Variants in ATP2A1 observed in about 807,000 individuals in gnomAD.
ATP2A1 encodes the protein sarcoplasmic/endoplasmic reticulum calcium ATPase 1.
ATP2A1 carries 83 observed loss-of-function variants against 109.5 expected under a neutral mutation model. That is an observed-to-expected ratio of 0.76 (90% CI 0.63 to 0.91). The LOEUF is 0.91. Ranked by LOEUF, ATP2A1 falls within the 40% of genes least tolerant of loss-of-function variation. ATP2A1 has a pLI of 0.00. For missense variants in ATP2A1, 1,101 were observed against 1,341.0 expected (o/e 0.82, Z 2.80); for synonymous variants, 505 against 537.6 (o/e 0.94, Z 0.84).
chr16:28,891,257 T>C (rs1456204424), intron 9 of ATP2A1, among the ~76,000 whole-genome samples: 2 of 148,960 alleles, frequency 1.3e-5, no homozygotes, highest in African/African-American at 2.5e-5. Flanking sequence ...GATTGCGCCA[T>C]TGCACCCCAG....
At chr16:28,891,300 A>T (rs1963766146) in intron 9 of ATP2A1, among the ~76,000 whole-genome samples, 1 of 151,556 alleles carries the variant, frequency 6.6e-6, no homozygotes, top group African/African-American at 2.4e-5. Context: ...CCATCTCGAA[A>T]AAAAATATAA....
In ATP2A1 at chr16:28,902,551, G is replaced by T. The variant is rs1371674265; in HGVS notation, c.2525-29G>T. ...CGATGCCCCCTATCTCCCCAGCCCT[G>T]ACCCCCGACTCCCCTCTCTCCACCA... On this transcript the variant is annotated intron_variant, in intron 17 of 22. Coordinates refer to ENST00000395503, the MANE Select transcript of ATP2A1 (RefSeq NM_004320.6). The surrounding 1 kb of genome is among the most constrained non-coding windows in gnomAD (Gnocchi z 4.8). The T allele has an allele frequency of 6.2e-7, 1 of 1,610,596 alleles. No homozygotes were observed.
At position 28,903,497 on chromosome 16, in the gene ATP2A1, A is replaced by G. The variant is rs1964152431; in HGVS notation, c.2980+57A>G. The G allele has an allele frequency of 6.9e-7, 1 of 1,450,160 alleles. No individual in the cohort carries two copies. The highest frequency in any genetic ancestry group is 1.5e-5 in the African/African-American group (1 of 68,532). The allele number at this position is 1,450,160 out of a possible 1,614,324, so 89.8% of individuals were successfully genotyped here. On this transcript the variant is annotated intron_variant, in intron 21 of 22. Coordinates refer to ENST00000395503, the MANE Select transcript of ATP2A1 (RefSeq NM_004320.6). The surrounding 1 kb of genome is among the most constrained non-coding windows in gnomAD (Gnocchi z 5.6). Reference sequence around the variant, plus strand: ...GCCCCACCACAGCCCCTTCCCCATGACGCCGCCCCCGCCCCGCCCCGTACT... The same window carrying G: ...GCCCCACCACAGCCCCTTCCCCATGGCGCCGCCCCCGCCCCGCCCCGTACT...
In ATP2A1 at chr16:28,884,585, A is replaced by T. The variant is rs777744607; in HGVS notation, c.474A>T (p.Lys158Asn). The T allele has an allele frequency of 6.2e-7, 1 of 1,613,650 alleles. No homozygotes were observed. The highest frequency in any genetic ancestry group is 1.7e-5 in the Admixed American group (1 of 60,012). Residue 158 changes from lysine (K) to asparagine (N), a missense_variant, in exon 6 of 23, where the codon AAA becomes AAT. Coordinates refer to ENST00000395503, the MANE Select transcript of ATP2A1 (RefSeq NM_004320.6). ...GDIVEVAVGD[K>N]VPADIRILAI... Reference sequence around the variant, plus strand: ...CTACTCTCTCCACAGTGGGGGACAAAGTCCCTGCAGACATCCGAATCCTCG... The same window carrying T: ...CTACTCTCTCCACAGTGGGGGACAATGTCCCTGCAGACATCCGAATCCTCG...
chr16:28,878,629 CT>C lies in ATP2A1; in HGVS notation c.-42del. 1 of 1,534,936 alleles carries C rather than the reference CT, an allele frequency of 6.5e-7. No individual in the cohort carries two copies. Among genetic ancestry groups the C allele is most frequent in the Non-Finnish European group, 8.9e-7 (1 of 1,126,670 alleles). On this transcript the variant is annotated 5_prime_UTR_variant, in exon 1 of 23. Coordinates refer to ENST00000395503, the MANE Select transcript of ATP2A1 (RefSeq NM_004320.6). ...AAGACCCCCCACGAGTGGGAACCCC[CT>C]GGAAGGAACACACCGGCCCCGGCCC...
intron 6 of ATP2A1, among the ~76,000 whole-genome samples, chr16:28,885,241 C>A (rs1457826092): frequency 7.1e-6 from 1 of 141,210 alleles, no homozygotes; most frequent in Admixed American, 7.4e-5. Context: ...AAGAGCAAGA[C>A]CCCATCTCAA....
Position 28,902,326 on chromosome 16 carries a change from C to A in ATP2A1, c.2464C>A (p.Arg822=), listed in dbSNP as rs772673397. ...PDLDIMDRPP[R]SPKEPLISGW... ...CCTGGACATCATGGACCGCCCCCCC[C>A]GGAGCCCCAAGGAGCCCCTCATCAG... Residue 822 remains arginine (R), a synonymous_variant, in exon 17 of 23, where the codon CGG becomes AGG. Coordinates refer to ENST00000395503, the MANE Select transcript of ATP2A1 (RefSeq NM_004320.6). This position sits in a 1 kb window ranked among gnomAD's most constrained non-coding sequence, Gnocchi z 4.8. 1.9e-6 allele frequency: 3 copies of A among 1,614,152 alleles called. No homozygotes were observed. The South Asian group carries it at 3.3e-5, about 18-fold the overall frequency.
At position 28,904,277 on chromosome 16, in the gene ATP2A1, G is replaced by A. The variant is rs779207272; in HGVS notation, c.*135G>A. 3.2e-5 allele frequency: 52 copies of A among 1,612,342 alleles called. No individual in the cohort carries two copies. Among genetic ancestry groups the A allele is most frequent in the Admixed American group, 2.8e-4 (17 of 59,914 alleles). ...AGGCAGAGCTGTGGCACAGACCCCCGTCCTGTCCCCCACACCCGTGTCATG... is the reference window on the plus strand; with the variant it reads ...AGGCAGAGCTGTGGCACAGACCCCCATCCTGTCCCCCACACCCGTGTCATG... On this transcript the variant is annotated 3_prime_UTR_variant, in exon 23 of 23. Transcript: ENST00000395503.
At chr16:28,882,361 G>A in intron 4 of ATP2A1, 90 bp from the exon 5 acceptor site, 14 of 1,584,706 alleles carry the variant, frequency 8.8e-6, no homozygotes, top group Non-Finnish European at 1.2e-5. Flanking sequence ...TGCCTGTGTG[G>A]GGTTTTGTTG....
In ATP2A1 at chr16:28,894,244, G is replaced by A. The variant is rs551660089; in HGVS notation, c.1184+1G>A. ...CCACTTACGCTCCAGAGGGAGAGGT[G>A]TAAGTCACCCAGGCATCTTCTCCCC... On this transcript the variant is annotated splice_donor_variant, in intron 10 of 22. Coordinates refer to ENST00000395503, the MANE Select transcript of ATP2A1 (RefSeq NM_004320.6). LOFTEE classifies it high-confidence loss of function. 75 of 1,613,332 alleles carry A rather than the reference G, an allele frequency of 4.6e-5. No individual in the cohort carries two copies. The highest frequency in any genetic ancestry group is 6.3e-5 in the Non-Finnish European group (74 of 1,179,582).
Position 28,902,819 on chromosome 16 carries a change from G to A in ATP2A1, c.2652G>A (p.Glu884=). The A allele has an allele frequency of 6.2e-7, 1 of 1,613,856 alleles. No homozygotes were observed. The highest frequency in any genetic ancestry group is 1.1e-5 in the South Asian group (1 of 91,070). Residue 884 remains glutamate (E), a synonymous_variant, in exon 19 of 23, where the codon GAG becomes GAA. Coordinates refer to ENST00000395503, the MANE Select transcript of ATP2A1 (RefSeq NM_004320.6). This position sits in a 1 kb window ranked among gnomAD's most constrained non-coding sequence, Gnocchi z 4.8. ...GCACCGAGGACAACACCCACTTTGAGGGCATAGACTGTGAGGTCTTCGAGG... is the reference window on the plus strand; with the variant it reads ...GCACCGAGGACAACACCCACTTTGAAGGCATAGACTGTGAGGTCTTCGAGG... ...MQCTEDNTHF[E]GIDCEVFEAP... is the part of the protein sequence containing the mutation.
intron 9 of ATP2A1, among the ~76,000 whole-genome samples, chr16:28,889,741 A>G (rs1370613910): frequency 6.6e-6 from 1 of 152,218 alleles, no homozygotes; most frequent in Non-Finnish European, 1.5e-5. Flanking sequence ...CAGACTGCCA[A>G]CACTGACCGT....
chr16:28,879,262 TC>T (rs1414145520), intron 2 of ATP2A1, 146 bp downstream of exon 2: 2 of 1,128,688 alleles, frequency 1.8e-6, no homozygotes, highest in East Asian at 2.4e-5. Context: ...TAGAGTCCTG[TC>T]CGGGGCAGAA....
intron 3 of ATP2A1, chr16:28,879,967 C>T: frequency 9.9e-7 from 1 of 1,014,740 alleles, no homozygotes; most frequent in Non-Finnish European, 1.2e-6. Context: ...CCACCAATCC[C>T]CGCGCCCGTC....
chr16:28,903,722 T>A lies in ATP2A1; in HGVS notation c.*18T>A. The stretch of plus-strand genomic sequence containing the variant: ...TAGGATAACTGTTCCCCCTCCTCCA[T>A]CTCTGAGCCCGTGTCACAGGTATCA... On this transcript the variant is annotated 3_prime_UTR_variant, in exon 22 of 23. Transcript: ENST00000395503. The surrounding 1 kb of genome is among the most constrained non-coding windows in gnomAD (Gnocchi z 5.6). 4 of 1,613,404 alleles carry A rather than the reference T, an allele frequency of 2.5e-6. No individual in the cohort carries two copies. The highest frequency in any genetic ancestry group is 3.4e-6 in the Non-Finnish European group (4 of 1,179,780).
chr16:28,881,135 C>A, intron 4 of ATP2A1, 116 bp downstream of exon 4: 1 of 1,053,676 alleles, frequency 9.5e-7, no homozygotes, highest in Non-Finnish European at 1.5e-6. Flanking sequence ...TCCTCTGGTC[C>A]TATCCCCTGG....
At chr16:28,888,071 G>C (rs1963667128) in intron 8 of ATP2A1, among the ~76,000 whole-genome samples, 1 of 152,050 alleles carries the variant, frequency 6.6e-6, no homozygotes, top group Non-Finnish European at 1.5e-5. Flanking sequence ...AAAGTGCTGG[G>C]ATTACAGGCG....
intron 4 of ATP2A1, 91 bp downstream of exon 4, chr16:28,881,110 C>T: frequency 2.4e-6 from 3 of 1,257,934 alleles, no homozygotes; most frequent in Admixed American, 1.7e-5. Context: ...CATCACCTCC[C>T]CCATACTTGC....
At chr16:28,900,479 C>CCCAT in intron 14 of ATP2A1, 102 bp from the exon 15 acceptor site, 1 of 1,009,016 alleles carries the variant, frequency 9.9e-7, no homozygotes, top group Non-Finnish European at 1.4e-6. Flanking sequence ...CCCTCCCCAC[C>CCCAT]ACTTCCTGAC....
Sources: allele counts gnomAD v4.1 joint callset (sites outside exome capture counted in the v4.1 genomes callset), GRCh38; gene constraint gnomAD v4.1.1; non-coding constraint Gnocchi (gnomAD v3.1); transcripts MANE v1.5; gene names NCBI Gene and HGNC (gene_info 2026-07-23, HGNC 2026-07-21).